The following RERE variants were observed in gnomAD, a reference collection of about 807,000 sequenced individuals.
RERE encodes the protein arginine-glutamic acid dipeptide repeats.
RERE carries 40 observed loss-of-function variants against 146.1 expected under a neutral mutation model. The ratio of observed to expected loss-of-function variants is 0.27; its 90% CI spans 0.21 to 0.36. The LOEUF is 0.36. RERE is among the 10% of genes least tolerant of loss of function. RERE has a pLI of 1.00. For missense variants in RERE, 1,933 were observed against 2,138.7 expected (o/e 0.90, Z 1.90); for synonymous variants, 1,003 against 866.0 (o/e 1.16, Z -2.78).
chr1:8,382,441 C>A (rs776828230), intron 12 of RERE, among the ~76,000 whole-genome samples: 25 of 152,374 alleles, frequency 1.6e-4, no homozygotes, highest in Admixed American at 1.4e-3. Context: ...CAGCCACGTG[C>A]GCATGCGTGC....
chr1:8,431,328 C>G (rs562035823), intron 11 of RERE, among the ~76,000 whole-genome samples: 1 of 152,162 alleles, frequency 6.6e-6, no homozygotes, highest in Non-Finnish European at 1.5e-5. Flanking sequence ...TTGTGAACTG[C>G]GCATGTGAGG....
At chr1:8,724,887 A>G (rs530379518) in intron 1 of RERE, among the ~76,000 whole-genome samples, 2 of 151,094 alleles carry the variant, frequency 1.3e-5, no homozygotes, top group East Asian at 3.9e-4. Context: ...AAAAAAAAAA[A>G]AAACAACTCA....
intron 10 of RERE, among the ~76,000 whole-genome samples, chr1:8,475,625 T>C (rs1644746067): frequency 6.6e-6 from 1 of 150,698 alleles, no homozygotes; most frequent in African/African-American, 2.4e-5. Context: ...GAAGTTGCAG[T>C]GAGCCGAGAT....
intron 10 of RERE, among the ~76,000 whole-genome samples, chr1:8,492,477 G>T (rs148267108): frequency 5.6e-4 from 86 of 152,246 alleles, no homozygotes; most frequent in African/African-American, 1.7e-3. Flanking sequence ...AGAACAACTG[G>T]CCAGACATGG....
intron 11 of RERE, among the ~76,000 whole-genome samples, chr1:8,461,716 A>G (rs1379519462): frequency 6.6e-6 from 1 of 152,242 alleles, no homozygotes; most frequent in Non-Finnish European, 1.5e-5. Context: ...GATCTCCAGA[A>G]TTCATGATTA....
chr1:8,496,616 CTACA>C (rs1645049565), intron 9 of RERE, among the ~76,000 whole-genome samples: 1 of 152,198 alleles, frequency 6.6e-6, no homozygotes, highest in South Asian at 2.1e-4. Flanking sequence ...CCCAGAATCA[CTACA>C]TACAAAGTCT....
intron 1 of RERE, among the ~76,000 whole-genome samples, chr1:8,744,234 C>T (rs74050279): frequency 0.026 from 3,943 of 152,258 alleles, 157 homozygotes; most frequent in African/African-American, 0.089. Flanking sequence ...CCCCTGGGTG[C>T]TCACGTACGT....
At chr1:8,669,995 G>A (rs1014223098) in intron 1 of RERE, among the ~76,000 whole-genome samples, 13 of 152,214 alleles carry the variant, frequency 8.5e-5, no homozygotes, top group African/African-American at 2.6e-4. Context: ...AAAACTCATC[G>A]GAGCAGCTCT....
intron 4 of RERE, among the ~76,000 whole-genome samples, chr1:8,598,099 G>A (rs1646577260): frequency 6.6e-6 from 1 of 152,150 alleles, no homozygotes. Flanking sequence ...AAAACAAGCT[G>A]AAAACCCTAG....
At chr1:8,697,537 C>T (rs1467155067) in intron 1 of RERE, among the ~76,000 whole-genome samples, 2 of 152,018 alleles carry the variant, frequency 1.3e-5, no homozygotes, top group South Asian at 2.1e-4. Context: ...GGACTACAGG[C>T]ACCCGCCAAC....
At position 8,361,292 on chromosome 1, in the gene RERE, G is replaced by A; in HGVS notation, c.2215C>T (p.Pro739Ser). Residue 739 changes from proline to serine, a missense_variant, in exon 18 of 23, where the codon CCA becomes TCA. This residue lies in a region of RERE where 1,255 missense variants were observed against 1,153.8 expected (regional missense o/e 1.09). Coordinates refer to ENST00000400908, the MANE Select transcript of RERE (RefSeq NM_001042681.2). The stretch of plus-strand genomic sequence containing the variant: ...ACCCCAGTGGGAGCCTGCAAGGCTG[G>A]GGGCTGGGCCTGCAGCATCTGCTGC... ...AQQQMLQAQP[P>S]ALQAPTGVTP... The A allele has an allele frequency of 3.1e-6, 5 of 1,605,488 alleles. No homozygotes were observed. The highest frequency in any genetic ancestry group is 2.6e-6 in the Non-Finnish European group (3 of 1,175,826).
chr1:8,440,228 C>T (rs1398308990), intron 11 of RERE, among the ~76,000 whole-genome samples: 5 of 152,194 alleles, frequency 3.3e-5, no homozygotes, highest in Non-Finnish European at 7.3e-5. Context: ...AAGGGGCCAG[C>T]ACTGAGTGCA....
chr1:8,489,777 G>T (rs1254762767), intron 10 of RERE, among the ~76,000 whole-genome samples: 2 of 152,172 alleles, frequency 1.3e-5, no homozygotes, highest in Non-Finnish European at 2.9e-5. Context: ...TAGGCCGGGC[G>T]CAGTGGCTCA....
rs114617164 is a variant in RERE, at chr1:8,646,014, C to A, written c.325+9959G>T. On this transcript the variant is annotated intron_variant, in intron 2 of 22. Transcript: ENST00000400908. ...GAAAATAAGAACTACATTTTCCCAA[C>A]TGTTCCAAAGACATACAACTAAGAG... Among the ~76,000 whole-genome samples the A allele has an allele frequency of 3.8e-3, 578 of 152,264 alleles. 1 individual carries two copies. Among genetic ancestry groups the A allele is most frequent in the African/African-American group, 0.013 (538 of 41,538 alleles).
Position 8,765,965 on chromosome 1 carries a change from T to A in RERE, c.-145+51195A>T, listed in dbSNP as rs990919769. The stretch of plus-strand genomic sequence containing the variant: ...GACTCCGTCTCAAAAAAAAAAAAAT[T>A]AGCCGAGTGTGCTGGTGCATGCCTG... On this transcript the variant is annotated intron_variant, in intron 1 of 22. Coordinates refer to ENST00000400908, the MANE Select transcript of RERE (RefSeq NM_001042681.2). 5.3e-5 allele frequency among the ~76,000 whole-genome samples: 8 copies of A among 149,712 alleles called. 1 individual carries two copies. Among genetic ancestry groups the A allele is most frequent in the African/African-American group, 2.0e-4 (8 of 40,532 alleles).
At chr1:8,440,041 T>G (rs991416941) in intron 11 of RERE, among the ~76,000 whole-genome samples, 4 of 151,992 alleles carry the variant, frequency 2.6e-5, no homozygotes, top group Non-Finnish European at 5.9e-5. Context: ...GCCATTACAC[T>G]CCAGCCTGGG....
chr1:8,529,243 CAG>C (rs1349412207), intron 7 of RERE, among the ~76,000 whole-genome samples: 4 of 148,856 alleles, frequency 2.7e-5, no homozygotes, highest in Non-Finnish European at 5.9e-5. Flanking sequence ...ATTAAACAAA[CAG>C]AAAATATATC....
chr1:8,743,961 G>C (rs1640367661), intron 1 of RERE, among the ~76,000 whole-genome samples: 1 of 152,128 alleles, frequency 6.6e-6, no homozygotes, highest in African/African-American at 2.4e-5. Flanking sequence ...AGGAATATTT[G>C]GGTTTGTTTC....
chr1:8,465,902 G>A, intron 11 of RERE, 23 bp downstream of exon 11: 1 of 1,607,124 alleles, frequency 6.2e-7, no homozygotes, highest in Non-Finnish European at 8.5e-7. Flanking sequence ...CAGAGCACAA[G>A]GCAAATGCTG....
Sources: gnomAD v4.1 joint callset for allele counts (sites outside exome capture counted in the v4.1 genomes callset) on GRCh38, gnomAD v4.1.1 for gene constraint, gnomAD v4.1.1 regional missense constraint, MANE v1.5 for transcripts, NCBI Gene and HGNC (gene_info 2026-07-23, HGNC 2026-07-21) for gene names.